The following PLBD1 variants were observed in gnomAD, a reference collection of about 807,000 sequenced individuals.
PLBD1 encodes lysosomal leucine aminopeptidase.
PLBD1 carries 60 observed loss-of-function variants against 63.0 expected under a neutral mutation model. The ratio of observed to expected loss-of-function variants is 0.95; its 90% confidence interval spans 0.77 to 1.18. The LOEUF (loss-of-function observed/expected upper bound fraction) is 1.18. Ranked by LOEUF, PLBD1 falls within the 50% of genes most tolerant of loss-of-function variation. The pLI is 0.00. For synonymous variants in PLBD1, 262 were observed against 248.0 expected, an observed-to-expected ratio of 1.06 and a Z score of -0.53; for missense variants, 598 against 677.9, an observed-to-expected ratio of 0.88 and a Z score of 1.31.
chr12:14,513,542 C>T (rs1217126236), intron 6 of PLBD1, among the ~76,000 whole-genome samples: 1 of 152,148 alleles, frequency 6.6e-6, no homozygotes, highest in African/African-American at 2.4e-5. Context: ...AGAAACGGGT[C>T]ACCTGAAACC....
At chr12:14,566,452 G>A (rs1055526493) in intron 1 of PLBD1, among the ~76,000 whole-genome samples, 1 of 152,098 alleles carries the variant, frequency 6.6e-6, no homozygotes, top group Non-Finnish European at 1.5e-5. Context: ...CACAGAAAAG[G>A]GGATTATGAA....
At chr12:14,565,139 A>G (rs1004589492) in intron 1 of PLBD1, among the ~76,000 whole-genome samples, 1 of 152,204 alleles carries the variant, frequency 6.6e-6, no homozygotes, top group African/African-American at 2.4e-5. Flanking sequence ...AAAACTATAG[A>G]GTAACCTTTA....
intron 2 of PLBD1, among the ~76,000 whole-genome samples, chr12:14,552,853 AC>A (rs1280835546): frequency 3.9e-5 from 6 of 152,206 alleles, no homozygotes; most frequent in Admixed American, 2.6e-4. Flanking sequence ...TTAGGCAGGT[AC>A]TGATTATGGG....
At chr12:14,551,058 TA>T (rs574155405) in intron 2 of PLBD1, among the ~76,000 whole-genome samples, 74 of 150,350 alleles carry the variant, frequency 4.9e-4, no homozygotes, top group African/African-American at 1.6e-3. Context: ...AATAAATAAA[TA>T]AATAAAATTT....
At chr12:14,552,395 G>A (rs1285518128) in intron 2 of PLBD1, among the ~76,000 whole-genome samples, 1 of 152,160 alleles carries the variant, frequency 6.6e-6, no homozygotes, top group African/African-American at 2.4e-5. Flanking sequence ...AGAACTAGAA[G>A]AAACATTTAT....
chr12:14,511,226 T>C (rs1479973984), intron 8 of PLBD1, 34 bp downstream of exon 8: 1 of 1,341,360 alleles, frequency 7.5e-7, no homozygotes, highest in Admixed American at 2.3e-5. Flanking sequence ...CACATACTCA[T>C]CAGGTTTTAA....
chr12:14,520,212 G>C (rs1271322611), intron 6 of PLBD1, among the ~76,000 whole-genome samples: 1 of 152,168 alleles, frequency 6.6e-6, no homozygotes, highest in Non-Finnish European at 1.5e-5. Context: ...AGAGGACAAA[G>C]GTAAGAGCTG....
intron 6 of PLBD1, among the ~76,000 whole-genome samples, chr12:14,528,649 T>C (rs895725035): frequency 6.6e-6 from 1 of 152,096 alleles, no homozygotes; most frequent in African/African-American, 2.4e-5. Flanking sequence ...AAATCAGTTA[T>C]CTAGTCTTCT....
rs559321681 is a variant in PLBD1 at position 14,567,667 on chromosome 12, C to G, written c.30G>C (p.Pro10=). Residue 10 remains proline (P), a synonymous_variant, in exon 1 of 11, where the codon CCG becomes CCC. Coordinates refer to ENST00000240617, the MANE Select transcript of PLBD1 (RefSeq NM_024829.6). ...GAAGCGGTGGCGGCTGTGGCAGCCCCGGGCGCCCGCCCGGACCGCCGCGGG... is the reference window on the plus strand; with the variant it reads ...GAAGCGGTGGCGGCTGTGGCAGCCCGGGGCGCCCGCCCGGACCGCCGCGGG... MTRGGPGGR[P]GLPQPPPLLL... The G allele has an allele frequency of 2.0e-6, 3 of 1,484,824 alleles. No individual in the cohort carries two copies. The highest frequency in any genetic ancestry group is 2.7e-6 in the Non-Finnish European group (3 of 1,127,228). 92.0% of individuals were successfully genotyped at this position (1,484,824 alleles called of 1,614,324 possible). A position where few individuals can be genotyped will look rare whatever the true frequency, so the allele number is the denominator to read the frequency against.
intron 6 of PLBD1, among the ~76,000 whole-genome samples, chr12:14,526,894 C>T (rs371746838): frequency 1.1e-4 from 16 of 152,250 alleles, no homozygotes; most frequent in African/African-American, 3.9e-4. Flanking sequence ...ATCACTTGAA[C>T]CCGGGAGGTG....
chr12:14,545,110 T>C (rs1945607427), intron 2 of PLBD1, among the ~76,000 whole-genome samples: 2 of 152,270 alleles, frequency 1.3e-5, no homozygotes, highest in South Asian at 2.1e-4. Flanking sequence ...TTCCATCCTA[T>C]GGAATATTGC....
rs529385861 is a variant in PLBD1, at chr12:14,525,172, G to A, written c.844+10487C>T. Reference sequence around the variant, plus strand: ...AGCTACTTGGGAGGCTGAGGCAGGAGAATCGCTTGAACCTGGGAGGTGGAG... The same window carrying A: ...AGCTACTTGGGAGGCTGAGGCAGGAAAATCGCTTGAACCTGGGAGGTGGAG... On this transcript the variant is annotated intron_variant, in intron 6 of 10. Coordinates refer to ENST00000240617, the MANE Select transcript of PLBD1 (RefSeq NM_024829.6). 1.1e-3 allele frequency among the ~76,000 whole-genome samples: 168 copies of A among 152,326 alleles called. 3 individuals carry two copies. The South Asian group carries it at 0.034, about 30-fold the overall frequency.
intron 1 of PLBD1, among the ~76,000 whole-genome samples, chr12:14,561,884 A>T (rs545237403): frequency 6.6e-6 from 1 of 152,258 alleles, no homozygotes; most frequent in East Asian, 1.9e-4. Flanking sequence ...ACTGGCTGGG[A>T]AGGTCACACC....
chr12:14,518,153 C>A (rs1019792708), intron 6 of PLBD1, among the ~76,000 whole-genome samples: 1 of 152,196 alleles, frequency 6.6e-6, no homozygotes, highest in Non-Finnish European at 1.5e-5. Context: ...TGCACTCCAT[C>A]CTGGGTAACA....
intron 8 of PLBD1, among the ~76,000 whole-genome samples, chr12:14,507,592 T>C (rs1336936687): frequency 2.0e-5 from 3 of 152,210 alleles, no homozygotes; most frequent in African/African-American, 7.2e-5. Context: ...GCCTGAATTC[T>C]AGGCTCAGGG....
chr12:14,545,906 G>A (rs1350426488), intron 2 of PLBD1, among the ~76,000 whole-genome samples: 1 of 151,692 alleles, frequency 6.6e-6, no homozygotes, highest in Non-Finnish European at 1.5e-5. Context: ...ACATACCTCT[G>A]CTTTGATCCA....
intron 2 of PLBD1, among the ~76,000 whole-genome samples, chr12:14,552,490 C>T (rs187731877): frequency 1.3e-5 from 2 of 152,154 alleles, no homozygotes; most frequent in Admixed American, 6.5e-5. Flanking sequence ...ATGCACCAAC[C>T]GTTTATTTTT....
At chr12:14,567,070 C>T (rs930276613) in intron 1 of PLBD1, among the ~76,000 whole-genome samples, 21 of 152,132 alleles carry the variant, frequency 1.4e-4, no homozygotes, top group African/African-American at 4.8e-4. Flanking sequence ...ACTCCAGCGT[C>T]GCCCACAGAG....
chr12:14,526,983 A>T (rs1482727050), intron 6 of PLBD1, among the ~76,000 whole-genome samples: 3 of 152,178 alleles, frequency 2.0e-5, no homozygotes, highest in Non-Finnish European at 2.9e-5. Flanking sequence ...AAAATAAAAG[A>T]AAAAAGAAAA....
Sources: gnomAD v4.1 joint callset for allele counts (sites outside exome capture counted in the v4.1 genomes callset) on GRCh38, gnomAD v4.1.1 for gene constraint, MANE v1.5 for transcripts, NCBI Gene and HGNC (gene_info 2026-07-23, HGNC 2026-07-21) for gene names.